CSMD1: variants seen among roughly 807,000 people sequenced by gnomAD.
CSMD1 encodes CUB and Sushi multiple domains 1.
CSMD1 carries 213 observed loss-of-function variants against 417.5 expected under a neutral mutation model. The ratio of observed to expected loss-of-function variants is 0.51; its 90% confidence interval spans 0.46 to 0.57. The LOEUF (loss-of-function observed/expected upper bound fraction) is 0.57, where lower values mean the gene tolerates loss of function less well. Ranked by LOEUF, CSMD1 falls within the 20% of genes least tolerant of loss-of-function variation. The pLI is 0.00. For synonymous variants in CSMD1, 2,862 were observed against 1,736.8 expected, an observed-to-expected ratio of 1.65 and a Z score of -16.11; for missense variants, 6,923 against 4,529.7, an observed-to-expected ratio of 1.53 and a Z score of -15.17.
chr8:4,753,314 A>G (rs1402647616), intron 1 of CSMD1, among the ~76,000 whole-genome samples: 1 of 151,632 alleles, frequency 6.6e-6, no homozygotes, highest in Non-Finnish European at 1.5e-5. Flanking sequence ...CATTTAAATG[A>G]CCAGGATAAA....
chr8:3,928,670 T>G (rs976277682), intron 5 of CSMD1, among the ~76,000 whole-genome samples: 1 of 141,582 alleles, frequency 7.1e-6, no homozygotes, highest in Non-Finnish European at 1.5e-5. Context: ...AAAGAAGGTA[T>G]AGATTTTTTT....
chr8:3,851,653 G>A (rs544001168), intron 5 of CSMD1, among the ~76,000 whole-genome samples: 5 of 152,084 alleles, frequency 3.3e-5, no homozygotes, highest in Non-Finnish European at 1.5e-5. Flanking sequence ...TTAGGTGATA[G>A]ACAATAAGAA....
intron 5 of CSMD1, among the ~76,000 whole-genome samples, chr8:3,888,774 C>A (rs1379835984): frequency 6.6e-6 from 1 of 152,106 alleles, no homozygotes; most frequent in African/African-American, 2.4e-5. Context: ...ATGGTCCTTC[C>A]ATTTGGGTCC....
intron 1 of CSMD1, among the ~76,000 whole-genome samples, chr8:4,821,725 T>C (rs1293175679): frequency 6.6e-6 from 1 of 152,034 alleles, no homozygotes; most frequent in African/African-American, 2.4e-5. Flanking sequence ...CCAAGCAAAA[T>C]GGATGTTCTT....
chr8:3,798,515 G>C (rs1272284251), intron 5 of CSMD1, among the ~76,000 whole-genome samples: 3 of 152,056 alleles, frequency 2.0e-5, no homozygotes, highest in African/African-American at 7.2e-5. Context: ...TGAGAAAGAA[G>C]AGGAAAGACA....
chr8:3,962,258 G>C (rs1358900553), intron 5 of CSMD1, among the ~76,000 whole-genome samples: 3 of 152,178 alleles, frequency 2.0e-5, no homozygotes, highest in Admixed American at 6.6e-5. Flanking sequence ...ATTTGGTCAT[G>C]ATGAGGTTCT....
chr8:3,659,274 A>C (rs954233632), intron 7 of CSMD1, among the ~76,000 whole-genome samples: 2 of 152,204 alleles, frequency 1.3e-5, no homozygotes, highest in African/African-American at 2.4e-5. Context: ...AGACTACCAA[A>C]TTGCAGAGAT....
At chr8:4,366,168 T>C (rs933108926) in intron 3 of CSMD1, among the ~76,000 whole-genome samples, 3 of 152,212 alleles carry the variant, frequency 2.0e-5, no homozygotes, top group African/African-American at 7.2e-5. Flanking sequence ...TATGAGAACA[T>C]GCAGCATTTG....
At chr8:3,635,483 CT>C (rs562990317) in intron 7 of CSMD1, among the ~76,000 whole-genome samples, 13,190 of 125,836 alleles carry the variant, frequency 0.1, 1,080 homozygotes, top group African/African-American at 0.25. Flanking sequence ...GACTCCATCT[CT>C]TTTTTTTTTT....
At chr8:3,650,693 G>A (rs1797812533) in intron 7 of CSMD1, among the ~76,000 whole-genome samples, 1 of 152,162 alleles carries the variant, frequency 6.6e-6, no homozygotes, top group Non-Finnish European at 1.5e-5. Context: ...AATTATCAAT[G>A]CTGGCTTCTC....
intron 5 of CSMD1, among the ~76,000 whole-genome samples, chr8:3,995,107 A>G (rs1815100986): frequency 6.6e-6 from 1 of 152,194 alleles, no homozygotes; most frequent in Non-Finnish European, 1.5e-5. Flanking sequence ...AGAGACTGTC[A>G]CTGTAGAATT....
intron 1 of CSMD1, among the ~76,000 whole-genome samples, chr8:4,744,172 G>C (rs971626429): frequency 1.3e-5 from 2 of 151,952 alleles, no homozygotes; most frequent in Non-Finnish European, 2.9e-5. Flanking sequence ...GAGCGTCGCA[G>C]TCCAGGCCAA....
chr8:3,721,075 G>T (rs139965568), intron 6 of CSMD1, among the ~76,000 whole-genome samples: 18 of 152,022 alleles, frequency 1.2e-4, no homozygotes, highest in African/African-American at 3.4e-4. Context: ...TGCCCGCCTC[G>T]GCCTCCCAAA....
intron 2 of CSMD1, among the ~76,000 whole-genome samples, chr8:4,566,652 C>CAAAAAAAAA (rs35448667): frequency 1.6e-5 from 1 of 62,844 alleles, no homozygotes; most frequent in African/African-American, 7.2e-5. Flanking sequence ...GACTCTGACT[C>CAAAAAAAAA]AAAAAAAAAA....
intron 1 of CSMD1, among the ~76,000 whole-genome samples, chr8:4,877,569 C>A (rs910739599): frequency 1.4e-4 from 21 of 152,028 alleles, no homozygotes; most frequent in African/African-American, 4.8e-4. Flanking sequence ...CAGCCAGTTA[C>A]CCATGCCATT....
Position 3,230,163 on chromosome 8 carries a change from C to T in CSMD1, c.4222G>A (p.Glu1408Lys), listed in dbSNP as rs1798748117. The T allele has an allele frequency of 6.2e-7, 1 of 1,613,512 alleles. No homozygotes were observed. The highest frequency in any genetic ancestry group is 8.5e-7 in the Non-Finnish European group (1 of 1,179,684). ...TGGAATGTGACGGTGTCTCCAGCCT[C>T]TCTGCTGTCTCCATAGCGGGTGCCA... ...QNGTRYGDSR[E>K]AGDTVTFQCD... is the part of the protein sequence containing the mutation. Residue 1408 changes from glutamate (E) to lysine (K), a missense_variant, in exon 27 of 70, where the codon GAG (glutamate) becomes AAG (lysine). Glu to Lys is a moderately conservative substitution (Grantham distance 56). Coordinates refer to ENST00000635120, the MANE Select transcript of CSMD1 (RefSeq NM_033225.6).
intron 5 of CSMD1, among the ~76,000 whole-genome samples, chr8:3,997,679 C>G (rs1407883685): frequency 6.6e-6 from 1 of 152,162 alleles, no homozygotes; most frequent in African/African-American, 2.4e-5. Flanking sequence ...TTCAAGCACA[C>G]AGATGACTTC....
intron 5 of CSMD1, among the ~76,000 whole-genome samples, chr8:3,943,531 G>T (rs1450062238): frequency 6.6e-6 from 1 of 150,406 alleles, no homozygotes; most frequent in Non-Finnish European, 1.5e-5. Flanking sequence ...TCTGTACAGA[G>T]ATTCAAAGAA....
chr8:4,599,215 T>A lies in CSMD1; in HGVS notation c.302+38127A>T, dbSNP rs555990111. On this transcript the variant is annotated intron_variant, in intron 2 of 69. Transcript: ENST00000635120. Reference sequence around the variant, plus strand: ...AGAATGACAACAAAAAGCACAATGATTCAGATAGGACAAAATGAGATTAAA... The same window carrying A: ...AGAATGACAACAAAAAGCACAATGAATCAGATAGGACAAAATGAGATTAAA... Among the ~76,000 whole-genome samples the A allele has an allele frequency of 2.6e-5, 4 of 152,236 alleles. No homozygotes were observed. In the South Asian group the frequency reaches 6.2e-4, roughly 24 times the overall value.
Sources: allele counts gnomAD v4.1 joint callset (sites outside exome capture counted in the v4.1 genomes callset), GRCh38; gene constraint gnomAD v4.1.1; transcripts MANE v1.5; gene names NCBI Gene and HGNC (gene_info 2026-07-23, HGNC 2026-07-21).